Variants in RBFOX1 observed in about 807,000 individuals in gnomAD.
RBFOX1 encodes the protein RNA binding protein fox-1 homolog 1.
In RBFOX1, 8 loss-of-function variants were observed where a neutral mutation model predicts 57.7. That is an observed-to-expected ratio of 0.14 (90% CI 0.08 to 0.25). RBFOX1 has a LOEUF of 0.25. Ranked by LOEUF, RBFOX1 falls within the 10% of genes least tolerant of loss-of-function variation. The pLI is 1.00. For synonymous variants in RBFOX1, 326 were observed against 222.4 expected (o/e 1.47, Z -4.15); for missense variants, 611 against 548.5 (o/e 1.11, Z -1.14).
intron 3 of RBFOX1, among the ~76,000 whole-genome samples, chr16:5,643,991 C>T (rs1393212464): frequency 2.0e-5 from 3 of 152,310 alleles, no homozygotes; most frequent in South Asian, 2.1e-4. Context: ...CGCTGTTTTA[C>T]GATGTCAAAT....
intron 3 of RBFOX1, among the ~76,000 whole-genome samples, chr16:6,997,557 C>T (rs1055885699): frequency 1.3e-5 from 2 of 152,126 alleles, no homozygotes; most frequent in Non-Finnish European, 2.9e-5. Context: ...AATGTGTATG[C>T]AAATTGCACA....
intron 1 of RBFOX1, among the ~76,000 whole-genome samples, chr16:6,151,157 C>G (rs1266532722): frequency 6.6e-6 from 1 of 152,206 alleles, no homozygotes; most frequent in African/African-American, 2.4e-5. Context: ...TCCTCCCTTA[C>G]TCTTCCTGTA....
intron 4 of RBFOX1, among the ~76,000 whole-genome samples, chr16:7,311,699 C>G (rs759638646): frequency 3.9e-5 from 6 of 152,264 alleles, no homozygotes; most frequent in Non-Finnish European, 7.4e-5. Context: ...GAGGTTTACA[C>G]ACTGCAGTAG....
intron 5 of RBFOX1, among the ~76,000 whole-genome samples, chr16:7,525,786 C>T (rs909967942): frequency 2.0e-5 from 3 of 152,160 alleles, no homozygotes; most frequent in African/African-American, 7.2e-5. Flanking sequence ...TTTGTTACAT[C>T]AACCTTTTGA....
chr16:5,791,493 T>C (rs1482848986), intron 3 of RBFOX1, among the ~76,000 whole-genome samples: 1 of 152,140 alleles, frequency 6.6e-6, no homozygotes, highest in African/African-American at 2.4e-5. Context: ...TAATGGTCTA[T>C]CGTGTTCATG....
At chr16:7,004,683 A>C (rs982167236) in intron 3 of RBFOX1, among the ~76,000 whole-genome samples, 3 of 152,244 alleles carry the variant, frequency 2.0e-5, no homozygotes, top group South Asian at 2.1e-4. Flanking sequence ...GGGAAAATAT[A>C]CAAAAGCCAC....
chr16:7,124,158 G>A (rs1330445759), intron 4 of RBFOX1, among the ~76,000 whole-genome samples: 1 of 152,200 alleles, frequency 6.6e-6, no homozygotes, highest in African/African-American at 2.4e-5. Context: ...AAAGCTGGTG[G>A]CATGGTGGCT....
intron 4 of RBFOX1, among the ~76,000 whole-genome samples, chr16:7,176,377 C>G (rs536411463): frequency 1.3e-4 from 20 of 151,912 alleles, no homozygotes; most frequent in African/African-American, 4.6e-4. Flanking sequence ...ATAGAGTGTA[C>G]TTTGTGACTA....
At chr16:6,461,198 A>G (rs2094911190) in intron 2 of RBFOX1, among the ~76,000 whole-genome samples, 1 of 152,194 alleles carries the variant, frequency 6.6e-6, no homozygotes, top group African/African-American at 2.4e-5. Flanking sequence ...GCAGCCCATC[A>G]TGGCACGCAT....
intron 3 of RBFOX1, among the ~76,000 whole-genome samples, chr16:6,960,478 A>G (rs570024774): frequency 5.9e-5 from 9 of 152,170 alleles, no homozygotes; most frequent in South Asian, 2.1e-4. Context: ...GTATGTTGTT[A>G]TTGGGCCACG....
chr16:6,411,546 C>G (rs1321853902), intron 2 of RBFOX1, among the ~76,000 whole-genome samples: 2 of 152,100 alleles, frequency 1.3e-5, no homozygotes, highest in Non-Finnish European at 2.9e-5. Flanking sequence ...ATGCAGACTG[C>G]TTTTTCTATG....
chr16:6,914,896 C>T (rs993684585), intron 3 of RBFOX1, among the ~76,000 whole-genome samples: 8 of 152,190 alleles, frequency 5.3e-5, no homozygotes, highest in Non-Finnish European at 1.2e-4. Context: ...AAAAACAAAA[C>T]ACAGATGGAT....
At chr16:7,698,246 C>G (rs569621750) in intron 14 of RBFOX1, among the ~76,000 whole-genome samples, 25 of 151,580 alleles carry the variant, frequency 1.6e-4, no homozygotes, top group Non-Finnish European at 3.2e-4. Context: ...CTGGGACTCA[C>G]TAGCAGGAAG....
chr16:5,416,675 T>C (rs2067167988), intron 1 of RBFOX1, among the ~76,000 whole-genome samples: 2 of 150,184 alleles, frequency 1.3e-5, no homozygotes, highest in African/African-American at 5.0e-5. Flanking sequence ...CTGTATGTAA[T>C]GTGTCTTTTT....
intron 1 of RBFOX1, among the ~76,000 whole-genome samples, chr16:6,050,765 A>G (rs2095544052): frequency 6.6e-6 from 1 of 152,070 alleles, no homozygotes; most frequent in African/African-American, 2.4e-5. Flanking sequence ...CAGGAAATAC[A>G]GGAAAAATGC....
chr16:5,668,635 C>G lies in RBFOX1; in HGVS notation c.318+69674C>G, dbSNP rs562508899. Among the ~76,000 whole-genome samples, 6 of 152,306 alleles carry G rather than the reference C, an allele frequency of 3.9e-5. No homozygotes were observed. The East Asian group carries it at 1.2e-3, about 29-fold the overall frequency. ...ACAGGTAGGTGTGTTATGCATAACT[C>G]TTCATTTTAACCAAACCAGCAGTTT... On this transcript the variant is annotated intron_variant, in intron 3 of 19. Transcript: ENST00000641259.
intron 1 of RBFOX1, among the ~76,000 whole-genome samples, chr16:5,326,109 C>G (rs536508820): frequency 6.6e-6 from 1 of 152,304 alleles, no homozygotes; most frequent in Non-Finnish European, 1.5e-5. Context: ...GCTCCACATC[C>G]TTGTCAGCAC....
intron 2 of RBFOX1, among the ~76,000 whole-genome samples, chr16:6,424,640 G>A (rs1392391220): frequency 8.1e-5 from 1 of 12,352 alleles, no homozygotes; most frequent in South Asian, 2.6e-3. Context: ...AACGTGGGGA[G>A]ATAATTATAA....
chr16:6,120,955 C>G (rs1278278577), intron 1 of RBFOX1, among the ~76,000 whole-genome samples: 1 of 152,206 alleles, frequency 6.6e-6, no homozygotes, highest in Non-Finnish European at 1.5e-5. Context: ...CTTGTTCTTC[C>G]TGCAGATTTA....
Sources: allele counts gnomAD v4.1 joint callset (sites outside exome capture counted in the v4.1 genomes callset), GRCh38; gene constraint gnomAD v4.1.1; transcripts MANE v1.5; gene names NCBI Gene and HGNC (gene_info 2026-07-23, HGNC 2026-07-21).